The following SDC3 variants were observed in gnomAD, a reference collection of about 807,000 sequenced individuals.
SDC3 encodes syndecan-3.
A neutral mutation model predicts 24.4 loss-of-function variants in SDC3; 13 were observed. That is an observed-to-expected ratio of 0.53 (90% CI 0.35 to 0.85). The LOEUF (loss-of-function observed/expected upper bound fraction) is 0.85. Ranked by LOEUF, SDC3 falls within the 40% of genes least tolerant of loss-of-function variation. The probability of loss-of-function intolerance (pLI) is 0.01; values close to 1 mark genes in which losing one functional copy is unlikely to be tolerated. For synonymous variants in SDC3, 295 were observed against 260.9 expected (o/e 1.13, Z -1.26); for missense variants, 571 against 584.5 (o/e 0.98, Z 0.24).
At chr1:30,875,448 C>T (rs1639621857) in intron 3 of SDC3, among the ~76,000 whole-genome samples, 1 of 152,180 alleles carries the variant, frequency 6.6e-6, no homozygotes, top group African/African-American at 2.4e-5. Flanking sequence ...AAGGGAAGGG[C>T]CTGCATCCTG....
intron 2 of SDC3, chr1:30,877,908 G>A (rs894960608): frequency 6.6e-6 from 1 of 152,550 alleles, no homozygotes; most frequent in African/African-American, 2.4e-5. Context: ...GAGGGCTGTG[G>A]GGAGCCAGCT....
chr1:30,909,318 G>C (rs928133253), upstream of SDC3, among the ~76,000 whole-genome samples: 14 of 152,160 alleles, frequency 9.2e-5, no homozygotes, highest in Admixed American at 2.0e-4. Context: ...GTCTCCCCAG[G>C]GGACCATGGG....
At position 30,878,713 on chromosome 1, in the gene SDC3, C is replaced by T; in HGVS notation, c.166G>A (p.Glu56Lys). The change falls in exon 2 of 5, where the codon GAG (glutamate) becomes AAG (lysine). Residue 56 changes from glutamate (E) to lysine (K), a missense_variant. Transcript: ENST00000339394. ...GAGCCCTCCAGGTCCACGGGTCTCT[C>T]GAAGTTCTCACTGCGCCAGCGCTGG... ...GAQRWRSENF[E>K]RPVDLEGSGD... is the part of the protein sequence containing the mutation. 4 of 1,614,164 alleles carry T rather than the reference C, an allele frequency of 2.5e-6. No homozygotes were observed. The highest frequency in any genetic ancestry group is 2.2e-5 in the East Asian group (1 of 44,876).
At chr1:30,888,309 G>A (rs1639860112) in intron 1 of SDC3, among the ~76,000 whole-genome samples, 1 of 152,218 alleles carries the variant, frequency 6.6e-6, no homozygotes, top group African/African-American at 2.4e-5. Context: ...GGCTGGAGGA[G>A]CACATGGAGG....
intron 1 of SDC3, among the ~76,000 whole-genome samples, chr1:30,891,311 A>G (rs1411325952): frequency 1.3e-5 from 2 of 152,256 alleles, no homozygotes; most frequent in East Asian, 3.9e-4. Context: ...CCCTGGCCCC[A>G]TCTTCACCTG....
chr1:30,890,578 C>T (rs112446902), intron 1 of SDC3, among the ~76,000 whole-genome samples: 1 of 152,130 alleles, frequency 6.6e-6, no homozygotes, highest in Non-Finnish European at 1.5e-5. Context: ...GATGGCTTTA[C>T]AACTATGTAA....
In SDC3 at chr1:30,872,186, G is replaced by A. The variant is rs555385364; in HGVS notation, c.*1025C>T. 6.6e-6 allele frequency: 1 copy of A among 152,290 alleles called. No individual in the cohort carries two copies. Among genetic ancestry groups the A allele is most frequent in the Non-Finnish European group, 1.5e-5 (1 of 68,110 alleles). The allele number at this position is 152,290 out of a possible 1,614,324, so 9.4% of individuals were successfully genotyped here. A position where few individuals can be genotyped will look rare whatever the true frequency, so the allele number is the denominator to read the frequency against. Reference sequence around the variant, plus strand: ...TAGGGGGACCCAATATGGGCTGATTGTTCTGGCTCGATTCCACCCTCCCCA... The same window carrying A: ...TAGGGGGACCCAATATGGGCTGATTATTCTGGCTCGATTCCACCCTCCCCA... On this transcript the variant is annotated 3_prime_UTR_variant, in exon 5 of 5. Coordinates refer to ENST00000339394, the MANE Select transcript of SDC3 (RefSeq NM_014654.4).
chr1:30,895,614 G>A (rs776944176), intron 1 of SDC3, among the ~76,000 whole-genome samples: 10 of 152,210 alleles, frequency 6.6e-5, no homozygotes, highest in African/African-American at 1.2e-4. Flanking sequence ...CAGGAGGGAC[G>A]GATGCAGGGA....
At chr1:30,882,686 C>T (rs1329498039) in intron 1 of SDC3, among the ~76,000 whole-genome samples, 1 of 152,200 alleles carries the variant, frequency 6.6e-6, no homozygotes, top group African/African-American at 2.4e-5. Context: ...GGGACACGTT[C>T]AGGAAGGCCA....
At chr1:30,894,511 GGTGAGA>G (rs1164066234) in intron 1 of SDC3, among the ~76,000 whole-genome samples, 5 of 124,428 alleles carry the variant, frequency 4.0e-5, no homozygotes, top group African/African-American at 1.6e-4. Flanking sequence ...AGTATGAGTG[GGTGAGA>G]GTGTGAGTGG....
At position 30,878,630 on chromosome 1, in the gene SDC3, G is replaced by A. The variant is rs1239479629; in HGVS notation, c.249C>T (p.Gly83=). 6.2e-7 allele frequency: 1 copy of A among 1,613,570 alleles called. No individual in the cohort carries two copies. The change falls in exon 2 of 5, where the codon GGC becomes GGT. Residue 83 remains glycine (G), a synonymous_variant. Coordinates refer to ENST00000339394, the MANE Select transcript of SDC3 (RefSeq NM_014654.4). ...DELDDLYSGS[G]SGYFEQESGI... ...AGGGAGGGGGGTACTTACAGCCCGA[G>A]CCCGACCCCGAGTAGAGGTCATCCA...
intron 1 of SDC3, among the ~76,000 whole-genome samples, chr1:30,893,894 G>A (rs1639944984): frequency 6.6e-6 from 1 of 152,118 alleles, no homozygotes; most frequent in African/African-American, 2.4e-5. Flanking sequence ...AGGAATCCAA[G>A]GTTGGTTTTT....
chr1:30,874,775 T>A (rs1639610796), intron 3 of SDC3, among the ~76,000 whole-genome samples, 187 bp from the exon 4 acceptor site: 1 of 152,184 alleles, frequency 6.6e-6, no homozygotes, highest in African/African-American at 2.4e-5. Context: ...GCTCAGAGCA[T>A]AAATGACCTG....
At position 30,895,989 on chromosome 1, in the gene SDC3, A is replaced by G. The variant is rs572428102; in HGVS notation, c.138+12460T>C. Among the ~76,000 whole-genome samples the G allele has an allele frequency of 9.9e-5, 15 of 152,270 alleles. No homozygotes were observed. The South Asian group carries it at 2.3e-3, about 23-fold the overall frequency. On this transcript the variant is annotated intron_variant, in intron 1 of 4. Transcript: ENST00000339394. Reference sequence around the variant, plus strand: ...CGAGCCCACAGTCTGTCCACCCTCCAGAAAGACGGAGCCAAACAGGCTCCA... The same window carrying G: ...CGAGCCCACAGTCTGTCCACCCTCCGGAAAGACGGAGCCAAACAGGCTCCA...
Position 30,876,925 on chromosome 1 carries a change from G to A in SDC3, c.497C>T (p.Thr166Ile). ...CGGGTCCCCTGTGCTTGTGGCAGCA[G>A]TGGTAGCCATGGTAGTGGAGACGGT... ...ATTVSTTMAT[T>I]AATSTGDPTV... The change falls in exon 3 of 5, where the codon ACT becomes ATT. Residue 166 changes from threonine (T) to isoleucine (I), a missense_variant. Coordinates refer to ENST00000339394, the MANE Select transcript of SDC3 (RefSeq NM_014654.4). 6.2e-7 allele frequency: 1 copy of A among 1,613,864 alleles called. No individual in the cohort carries two copies. Among genetic ancestry groups the A allele is most frequent in the Non-Finnish European group, 8.5e-7 (1 of 1,179,948 alleles).
chr1:30,892,440 AGG>A (rs1639920879), intron 1 of SDC3, among the ~76,000 whole-genome samples: 1 of 145,110 alleles, frequency 6.9e-6, no homozygotes, highest in African/African-American at 2.7e-5. Flanking sequence ...CCAGGCCCCC[AGG>A]GAATGAATGA....
chr1:30,901,588 T>G (rs766554127), intron 1 of SDC3, among the ~76,000 whole-genome samples: 1 of 152,160 alleles, frequency 6.6e-6, no homozygotes, highest in Non-Finnish European at 1.5e-5. Flanking sequence ...ATGTGCTTCC[T>G]CTCATCTGGC....
At chr1:30,902,629 T>C (rs1391988762) in intron 1 of SDC3, among the ~76,000 whole-genome samples, 1 of 152,208 alleles carries the variant, frequency 6.6e-6, no homozygotes, top group African/African-American at 2.4e-5. Flanking sequence ...GCCTGGGGCC[T>C]GGGCAGCTCC....
At chr1:30,902,775 G>A (rs541266009) in intron 1 of SDC3, among the ~76,000 whole-genome samples, 7 of 152,302 alleles carry the variant, frequency 4.6e-5, no homozygotes, top group East Asian at 1.9e-4. Context: ...CTGAAGGCCC[G>A]CCCGATGCAG....
Sources: gnomAD v4.1 joint callset for allele counts (sites outside exome capture counted in the v4.1 genomes callset) on GRCh38, gnomAD v4.1.1 for gene constraint, MANE v1.5 for transcripts, NCBI Gene and HGNC (gene_info 2026-07-23, HGNC 2026-07-21) for gene names.